MCTP2: variants seen among roughly 807,000 people sequenced by gnomAD.
MCTP2 encodes multiple C2 and transmembrane domain-containing protein 2.
A neutral mutation model predicts 111.6 loss-of-function variants in MCTP2; 132 were observed. The ratio of observed to expected loss-of-function variants is 1.18; its 90% confidence interval spans 1.03 to 1.37. The LOEUF (loss-of-function observed/expected upper bound fraction) is 1.37. Among genes scored for constraint, MCTP2 ranks in the 40% most tolerant of loss-of-function variants. The pLI is 0.00. For synonymous variants in MCTP2, 395 were observed against 387.7 expected (o/e 1.02, Z -0.22); for missense variants, 1,183 against 1,067.9 (o/e 1.11, Z -1.50).
intron 1 of MCTP2, among the ~76,000 whole-genome samples, chr15:94,241,027 A>G (rs1298987787): frequency 6.6e-6 from 1 of 152,184 alleles, no homozygotes; most frequent in African/African-American, 2.4e-5. Context: ...GATCCAGAGT[A>G]TACAGACACG....
chr15:94,266,779 A>G (rs1389124900), intron 1 of MCTP2, among the ~76,000 whole-genome samples: 1 of 152,236 alleles, frequency 6.6e-6, no homozygotes, highest in East Asian at 1.9e-4. Context: ...CTTGCCATAT[A>G]AAAGGAAAGC....
Position 94,458,153 on chromosome 15 carries a change from G to T in MCTP2, c.2267G>T (p.Gly756Val). ...GTTTTCTAGGAATCTGAGAAAAAGG[G>T]GTTGATTGAAAGAATCTATATGGTA... Reference protein sequence around the residue: ...DEDDKESEKKGLIERIYMVQD... With the variant: ...DEDDKESEKKVLIERIYMVQD... Residue 756 changes from glycine (G) to valine (V), a missense_variant, in exon 20 of 23, where the codon GGG (glycine) becomes GTG (valine). By Grantham distance (109) the Gly-to-Val change is moderately radical (BLOSUM62 -3). Transcript: ENST00000357742. 1.2e-6 allele frequency: 2 copies of T among 1,605,000 alleles called. No individual in the cohort carries two copies. The highest frequency in any genetic ancestry group is 2.2e-5 in the South Asian group (2 of 90,704).
intron 4 of MCTP2, among the ~76,000 whole-genome samples, chr15:94,323,010 C>T (rs2076697709): frequency 6.6e-6 from 1 of 152,196 alleles, no homozygotes; most frequent in Non-Finnish European, 1.5e-5. Flanking sequence ...CAGCGAGAGG[C>T]TGGGAAATAG....
intron 10 of MCTP2, among the ~76,000 whole-genome samples, chr15:94,363,612 A>G (rs2079045159): frequency 6.6e-6 from 1 of 152,178 alleles, no homozygotes; most frequent in Non-Finnish European, 1.5e-5. Context: ...GCACAAAGCC[A>G]CTGGATTCCA....
At chr15:94,266,080 G>GCACACACA (rs58424468) in intron 1 of MCTP2, among the ~76,000 whole-genome samples, 11 of 151,656 alleles carry the variant, frequency 7.3e-5, no homozygotes, top group African/African-American at 2.4e-4. Flanking sequence ...GCGTGTGCGC[G>GCACACACA]CACACACACA....
intron 12 of MCTP2, among the ~76,000 whole-genome samples, chr15:94,379,355 G>C (rs2079968936): frequency 6.6e-6 from 1 of 152,084 alleles, no homozygotes; most frequent in Non-Finnish European, 1.5e-5. Flanking sequence ...ATATCTGATA[G>C]TAAGGTTTGT....
chr15:94,366,961 G>A (rs1368017681), intron 10 of MCTP2, among the ~76,000 whole-genome samples: 3 of 152,232 alleles, frequency 2.0e-5, no homozygotes, highest in African/African-American at 7.2e-5. Flanking sequence ...TATAGCAGAT[G>A]GGTACAGCCT....
At chr15:94,369,015 CT>C (rs1413846869) in intron 11 of MCTP2, among the ~76,000 whole-genome samples, 9 of 152,184 alleles carry the variant, frequency 5.9e-5, no homozygotes, top group African/African-American at 1.9e-4. Flanking sequence ...TTACAGCCCC[CT>C]GGATTTGTTT....
At chr15:94,239,409 G>A (rs2152217819) in intron 1 of MCTP2, among the ~76,000 whole-genome samples, 1 of 152,288 alleles carries the variant, frequency 6.6e-6, no homozygotes, top group South Asian at 2.1e-4. Context: ...GGGTCAATTG[G>A]TGACAACATC....
intron 14 of MCTP2, among the ~76,000 whole-genome samples, chr15:94,390,072 ATATAT>A (rs2080809515): frequency 6.0e-5 from 1 of 16,646 alleles, no homozygotes; most frequent in East Asian, 3.2e-3. Context: ...ATATATATAT[ATATAT>A]ATATATATAT....
intron 2 of MCTP2, among the ~76,000 whole-genome samples, chr15:94,303,004 G>C (rs2075697391): frequency 6.8e-6 from 1 of 147,332 alleles, no homozygotes; most frequent in South Asian, 2.2e-4. Flanking sequence ...CAAAGGGAGA[G>C]AGCATGGACA....
chr15:94,483,554 G>C lies in MCTP2; in HGVS notation c.*4520G>C, dbSNP rs2074830768. 1 of 152,196 alleles carries C rather than the reference G, an allele frequency of 6.6e-6. No individual in the cohort carries two copies. Among genetic ancestry groups the C allele is most frequent in the Admixed American group, 6.5e-5 (1 of 15,280 alleles). The allele number at this position is 152,196 out of a possible 1,614,324, so 9.4% of individuals were successfully genotyped here. Reference sequence around the variant, plus strand: ...AAGAATGAGATCATGTCCTTTTGCAGGAACTTGGATACAGCTGGAGGCCAT... The same window carrying C: ...AAGAATGAGATCATGTCCTTTTGCACGAACTTGGATACAGCTGGAGGCCAT... On this transcript the variant is annotated 3_prime_UTR_variant, in exon 23 of 23. Coordinates refer to ENST00000357742, the MANE Select transcript of MCTP2 (RefSeq NM_001385001.1).
intron 1 of MCTP2, among the ~76,000 whole-genome samples, chr15:94,270,408 A>G (rs2073843915): frequency 6.6e-6 from 1 of 152,316 alleles, no homozygotes; most frequent in East Asian, 1.9e-4. Context: ...GCTTAGTAGG[A>G]ACTAGTAGAG....
chr15:94,386,543 T>C (rs2080486645), intron 14 of MCTP2, among the ~76,000 whole-genome samples: 1 of 152,230 alleles, frequency 6.6e-6, no homozygotes, highest in Admixed American at 6.5e-5. Flanking sequence ...GTCTGCAGCA[T>C]CTGCTCCCTG....
intron 4 of MCTP2, among the ~76,000 whole-genome samples, chr15:94,327,402 A>G (rs994359968): frequency 1.3e-5 from 2 of 152,218 alleles, no homozygotes; most frequent in Admixed American, 1.3e-4. Flanking sequence ...AGCCTGCTTC[A>G]ACAATTTCTC....
chr15:94,366,983 G>A (rs561253905), intron 10 of MCTP2, among the ~76,000 whole-genome samples: 67 of 152,358 alleles, frequency 4.4e-4, no homozygotes, highest in African/African-American at 1.6e-3. Context: ...TCCTGGCAGA[G>A]CTGCTGAAAT....
chr15:94,419,115 A>G (rs904964307), intron 17 of MCTP2, among the ~76,000 whole-genome samples: 2 of 152,156 alleles, frequency 1.3e-5, no homozygotes, highest in South Asian at 2.1e-4. Context: ...AGCGAGAAAC[A>G]TATAATCGAG....
chr15:94,245,288 A>T (rs1413731324), intron 1 of MCTP2, among the ~76,000 whole-genome samples: 1 of 141,592 alleles, frequency 7.1e-6, no homozygotes, highest in Non-Finnish European at 1.5e-5. Flanking sequence ...ATATACACAT[A>T]TGTATATATT....
intron 17 of MCTP2, among the ~76,000 whole-genome samples, chr15:94,421,812 T>A (rs2082642362): frequency 6.6e-6 from 1 of 152,158 alleles, no homozygotes; most frequent in South Asian, 2.1e-4. Context: ...CAACCTTAAC[T>A]CTCTTTGTCC....
Sources: allele counts gnomAD v4.1 joint callset (sites outside exome capture counted in the v4.1 genomes callset), GRCh38; gene constraint gnomAD v4.1.1; transcripts MANE v1.5; gene names NCBI Gene and HGNC (gene_info 2026-07-23, HGNC 2026-07-21).